PPP4R4: variants seen among roughly 807,000 people sequenced by gnomAD.
PPP4R4 encodes serine/threonine-protein phosphatase 4 regulatory subunit 4.
A neutral mutation model predicts 121.8 loss-of-function variants in PPP4R4; 70 were observed. The ratio of observed to expected loss-of-function variants is 0.57; its 90% CI spans 0.47 to 0.70. PPP4R4 has a LOEUF of 0.70. PPP4R4 is among the 30% of genes least tolerant of loss of function. The pLI, the probability that PPP4R4 is intolerant of heterozygous loss-of-function variation, is 0.00. For missense variants in PPP4R4, 875 were observed against 1,033.6 expected, an observed-to-expected ratio of 0.85 and a Z score of 2.10; for synonymous variants, 348 against 355.7, an observed-to-expected ratio of 0.98 and a Z score of 0.24.
At chr14:94,214,614 T>A (rs1236513227) in intron 3 of PPP4R4, among the ~76,000 whole-genome samples, 1 of 152,154 alleles carries the variant, frequency 6.6e-6, no homozygotes, top group Non-Finnish European at 1.5e-5. Context: ...TATGGGTAGA[T>A]TTTTTTAACA....
rs368031868 is a variant in PPP4R4, at chr14:94,174,410, G to A, written c.-56G>A. The A allele has an allele frequency of 1.4e-6, 2 of 1,410,132 alleles. No homozygotes were observed. Among genetic ancestry groups the A allele is most frequent in the Non-Finnish European group, 1.9e-6 (2 of 1,079,644 alleles). The allele number at this position is 1,410,132 out of a possible 1,614,324, so 87.4% of individuals were successfully genotyped here. A position where few individuals can be genotyped will look rare whatever the true frequency, so the allele number is the denominator to read the frequency against. On this transcript the variant is annotated 5_prime_UTR_variant, in exon 1 of 25. Coordinates refer to ENST00000304338, the MANE Select transcript of PPP4R4 (RefSeq NM_058237.2). ...GCTGGTGGGCGGCCGCGGGGCTGAG[G>A]GCGTCCGGCATCCCGGGGCCGCTCC...
At chr14:94,204,147 A>G (rs1436127142) in intron 2 of PPP4R4, among the ~76,000 whole-genome samples, 1 of 152,128 alleles carries the variant, frequency 6.6e-6, no homozygotes, top group Non-Finnish European at 1.5e-5. Flanking sequence ...TTTTCCTGAC[A>G]GGTCTATTGT....
chr14:94,273,925 T>C (rs1894489885), intron 23 of PPP4R4, among the ~76,000 whole-genome samples: 2 of 152,102 alleles, frequency 1.3e-5, no homozygotes. Context: ...TACACAGTGG[T>C]TAAGTCTGGG....
At chr14:94,264,019 A>G (rs901324078) in intron 19 of PPP4R4, among the ~76,000 whole-genome samples, 1 of 152,166 alleles carries the variant, frequency 6.6e-6, no homozygotes, top group Non-Finnish European at 1.5e-5. Flanking sequence ...TGTTAGCATA[A>G]GGGCCTCCTG....
At chr14:94,252,782 T>A (rs190362822) in intron 16 of PPP4R4, among the ~76,000 whole-genome samples, 15 of 152,350 alleles carry the variant, frequency 9.8e-5, no homozygotes, top group African/African-American at 3.4e-4. Flanking sequence ...CTGCTGAATT[T>A]TCATACATTG....
At chr14:94,217,943 G>T (rs1478960198) in intron 3 of PPP4R4, among the ~76,000 whole-genome samples, 1 of 152,150 alleles carries the variant, frequency 6.6e-6, no homozygotes, top group African/African-American at 2.4e-5. Flanking sequence ...GCGGTGAGCC[G>T]AGATTGCACC....
At chr14:94,199,665 GTAGTTTTCCCCTGGAGTCGGGCTGCT>G (rs1890064921) in intron 2 of PPP4R4, among the ~76,000 whole-genome samples, 1 of 152,124 alleles carries the variant, frequency 6.6e-6, no homozygotes. Flanking sequence ...GAGTGGAAAG[GTAGTTTTCCCCTGGAGTCGGGCTGCT>G]TAGCAGCCCG....
intron 2 of PPP4R4, among the ~76,000 whole-genome samples, chr14:94,177,350 C>T (rs930677519): frequency 6.6e-6 from 1 of 152,140 alleles, no homozygotes; most frequent in African/African-American, 2.4e-5. Flanking sequence ...GTGAATTCAA[C>T]GGTATGTGTT....
At chr14:94,179,992 G>T (rs901587213) in intron 2 of PPP4R4, among the ~76,000 whole-genome samples, 6 of 152,132 alleles carry the variant, frequency 3.9e-5, no homozygotes, top group Non-Finnish European at 8.8e-5. Context: ...GTCATATCTT[G>T]TTCCACAATT....
rs78582545 is a variant in PPP4R4 at position 94,206,135 on chromosome 14, A to G, written c.192-2329A>G. Among the ~76,000 whole-genome samples, 462 of 147,708 alleles carry G rather than the reference A, an allele frequency of 3.1e-3. 2 individuals are homozygous for G. The highest frequency in any genetic ancestry group is 0.011 in the African/African-American group (447 of 40,092). ...AGTCTCATCAGTTTTTGCATCACAT[A>G]TTTTGCAACTCAGTTTGTTGTATAC... On this transcript the variant is annotated intron_variant, in intron 2 of 24. Coordinates refer to ENST00000304338, the MANE Select transcript of PPP4R4 (RefSeq NM_058237.2).
intron 23 of PPP4R4, among the ~76,000 whole-genome samples, chr14:94,269,549 C>T (rs1894214945): frequency 6.6e-6 from 1 of 151,642 alleles, no homozygotes; most frequent in South Asian, 2.1e-4. Context: ...GGCGTGGCGT[C>T]AGGCGCCTGT....
chr14:94,176,209 C>A (rs1023579089), intron 2 of PPP4R4, 82 bp downstream of exon 2: 2 of 1,190,144 alleles, frequency 1.7e-6, no homozygotes, highest in South Asian at 1.2e-5. Context: ...TGTATGTTCG[C>A]GTTATGTTCA....
rs531573695 is a variant in PPP4R4 at position 94,184,584 on chromosome 14, A to G, written c.191+8457A>G. ...TCCTTCTTAAAATTAAGATTGCATG[A>G]AGGGAATTAAAGCACTGAATAAGGT... On this transcript the variant is annotated intron_variant, in intron 2 of 24. Transcript: ENST00000304338. 1.9e-4 allele frequency among the ~76,000 whole-genome samples: 29 copies of G among 152,280 alleles called. No homozygotes were observed. The South Asian group carries it at 3.7e-3, about 20-fold the overall frequency.
chr14:94,202,129 A>G (rs2139433361), intron 2 of PPP4R4, among the ~76,000 whole-genome samples: 1 of 152,262 alleles, frequency 6.6e-6, no homozygotes, highest in African/African-American at 2.4e-5. Context: ...TAAGAATGAT[A>G]CAGTGGACTT....
At chr14:94,191,374 A>AT (rs1368789374) in intron 2 of PPP4R4, among the ~76,000 whole-genome samples, 1 of 151,946 alleles carries the variant, frequency 6.6e-6, no homozygotes, top group Non-Finnish European at 1.5e-5. Context: ...TTAAGTTGAC[A>AT]TGTAGTAATT....
intron 3 of PPP4R4, chr14:94,227,315 G>A (rs749203340): frequency 1.2e-6 from 2 of 1,612,416 alleles, no homozygotes; most frequent in Non-Finnish European, 1.7e-6. Flanking sequence ...TATTTATCCA[G>A]AGAGTATGGA....
At chr14:94,237,733 A>G (rs773726149) in intron 8 of PPP4R4, 47 bp downstream of exon 8, 4 of 1,583,320 alleles carry the variant, frequency 2.5e-6, no homozygotes, top group Non-Finnish European at 2.6e-6. Flanking sequence ...GTGTTTTTCT[A>G]CATGTTTTAT....
At chr14:94,234,733 G>A in intron 7 of PPP4R4, 64 bp downstream of exon 7, 1 of 1,180,780 alleles carries the variant, frequency 8.5e-7, no homozygotes, top group Non-Finnish European at 1.3e-6. Context: ...GGCTGTATTT[G>A]ATCTTTAAAA....
In PPP4R4 at chr14:94,241,786, A is replaced by C; in HGVS notation, c.977-2A>C. On this transcript the variant is annotated splice_acceptor_variant, in intron 9 of 24. Coordinates refer to ENST00000304338, the MANE Select transcript of PPP4R4 (RefSeq NM_058237.2). LOFTEE classifies it high-confidence loss of function. ...TGAGCTAGTTTTTTATATTTGTTTTAGGAATTTTCACTCCAGATCAGCACT... is the reference window on the plus strand; with the variant it reads ...TGAGCTAGTTTTTTATATTTGTTTTCGGAATTTTCACTCCAGATCAGCACT... The C allele has an allele frequency of 6.5e-7, 1 of 1,544,222 alleles. No homozygotes were observed. The highest frequency in any genetic ancestry group is 8.7e-7 in the Non-Finnish European group (1 of 1,152,144).
Sources: gnomAD v4.1 joint callset for allele counts (sites outside exome capture counted in the v4.1 genomes callset) on GRCh38, gnomAD v4.1.1 for gene constraint, MANE v1.5 for transcripts, NCBI Gene and HGNC (gene_info 2026-07-23, HGNC 2026-07-21) for gene names.